The following ALK variants were observed in gnomAD, a reference collection of about 807,000 sequenced individuals.
ALK encodes ALK receptor tyrosine kinase.
A neutral mutation model predicts 163.1 loss-of-function variants in ALK; 74 were observed. The ratio of observed to expected loss-of-function variants is 0.45; its 90% CI spans 0.38 to 0.55. ALK has a LOEUF of 0.55. Ranked by LOEUF, ALK falls within the 20% of genes least tolerant of loss-of-function variation. The probability of loss-of-function intolerance (pLI) is 0.00; values close to 1 mark genes in which losing one functional copy is unlikely to be tolerated. For synonymous variants in ALK, 960 were observed against 843.2 expected (o/e 1.14, Z -2.40); for missense variants, 2,063 against 2,105.3 (o/e 0.98, Z 0.39).
intron 3 of ALK, among the ~76,000 whole-genome samples, chr2:29,535,057 A>G (rs1051024768): frequency 1.3e-5 from 2 of 152,214 alleles, no homozygotes; most frequent in Non-Finnish European, 2.9e-5. Flanking sequence ...GTCAGTATAA[A>G]TCTTTTAAAG....
At chr2:29,284,677 C>T (rs898965105) in intron 9 of ALK, among the ~76,000 whole-genome samples, 12 of 152,176 alleles carry the variant, frequency 7.9e-5, no homozygotes, top group Admixed American at 1.3e-4. Flanking sequence ...TTGTCCCAAA[C>T]GTCACAGTAA....
chr2:29,244,674 C>T (rs963410395), intron 12 of ALK, among the ~76,000 whole-genome samples: 1 of 152,230 alleles, frequency 6.6e-6, no homozygotes, highest in Non-Finnish European at 1.5e-5. Context: ...TCACATGGAG[C>T]ATCGGTGGTG....
At chr2:29,717,483 C>A (rs1679295144) in intron 2 of ALK, 95 bp downstream of exon 2, 6 of 1,464,168 alleles carry the variant, frequency 4.1e-6, no homozygotes, top group Non-Finnish European at 5.7e-6. Context: ...TGAGGGAATG[C>A]CCTGGAGCAC....
intron 1 of ALK, among the ~76,000 whole-genome samples, chr2:29,797,000 C>CACA (rs1664330612): frequency 1.4e-5 from 2 of 144,606 alleles, no homozygotes; most frequent in African/African-American, 2.5e-5. Context: ...GCACGCACAC[C>CACA]CACACACACA....
At chr2:29,912,529 G>A (rs1667732978) in intron 1 of ALK, among the ~76,000 whole-genome samples, 1 of 151,890 alleles carries the variant, frequency 6.6e-6, no homozygotes, top group African/African-American at 2.4e-5. Context: ...TAATGGAAAT[G>A]CAAAAAAAGA....
intron 4 of ALK, among the ~76,000 whole-genome samples, chr2:29,457,030 CT>C (rs895053392): frequency 6.6e-6 from 1 of 152,216 alleles, no homozygotes; most frequent in Non-Finnish European, 1.5e-5. Context: ...TCTGGAGACC[CT>C]GCTTTCTCCA....
At chr2:29,489,257 G>A (rs570679569) in intron 4 of ALK, among the ~76,000 whole-genome samples, 10 of 152,168 alleles carry the variant, frequency 6.6e-5, no homozygotes, top group East Asian at 3.9e-4. Context: ...ATGATTAATC[G>A]AATTCAGTAT....
chr2:29,437,802 A>T (rs568922279), intron 4 of ALK, among the ~76,000 whole-genome samples: 1 of 152,208 alleles, frequency 6.6e-6, no homozygotes, highest in Non-Finnish European at 1.5e-5. Flanking sequence ...TACAATTAGT[A>T]ATCAACCAAA....
intron 4 of ALK, among the ~76,000 whole-genome samples, chr2:29,481,078 A>G (rs1671649627): frequency 6.6e-6 from 1 of 152,190 alleles, no homozygotes; most frequent in Non-Finnish European, 1.5e-5. Flanking sequence ...CCTGTGTTTG[A>G]GGACCAGCTT....
chr2:29,729,733 C>T (rs1262836379), intron 1 of ALK, among the ~76,000 whole-genome samples: 2 of 152,140 alleles, frequency 1.3e-5, no homozygotes, highest in Non-Finnish European at 2.9e-5. Context: ...AATGTGGAAG[C>T]TGTTATTTGC....
At chr2:29,807,730 G>A (rs1044446898) in intron 1 of ALK, among the ~76,000 whole-genome samples, 4 of 152,192 alleles carry the variant, frequency 2.6e-5, no homozygotes, top group Non-Finnish European at 5.9e-5. Flanking sequence ...AGTTAAAAGG[G>A]AATTAAAGTT....
chr2:29,853,767 ACCTCTCCCTCCTCT>A (rs1666066217), intron 1 of ALK, among the ~76,000 whole-genome samples: 1 of 149,580 alleles, frequency 6.7e-6, no homozygotes, highest in Admixed American at 6.6e-5. Context: ...AGCCTCCCAT[ACCTCTCCCTCCTCT>A]CCTCTCCCTC....
At chr2:29,234,792 C>G (rs79453934) in intron 13 of ALK, among the ~76,000 whole-genome samples, 4,110 of 152,302 alleles carry the variant, frequency 0.027, 198 homozygotes, top group African/African-American at 0.094. Context: ...TGCCATCTTA[C>G]TCCGTGCAAT....
At chr2:29,400,923 C>T (rs1168167141) in intron 4 of ALK, among the ~76,000 whole-genome samples, 3 of 151,496 alleles carry the variant, frequency 2.0e-5, no homozygotes, top group Admixed American at 6.6e-5. Context: ...TGCGGTGAGC[C>T]GAAGTCGCAC....
At chr2:29,448,184 A>G (rs1348927152) in intron 4 of ALK, among the ~76,000 whole-genome samples, 1 of 152,200 alleles carries the variant, frequency 6.6e-6, no homozygotes, top group Non-Finnish European at 1.5e-5. Flanking sequence ...CAAATCTCTA[A>G]CAAAGAGAGA....
At chr2:29,323,967 T>C (rs577205176) in intron 6 of ALK, among the ~76,000 whole-genome samples, 1 of 152,342 alleles carries the variant, frequency 6.6e-6, no homozygotes, top group East Asian at 1.9e-4. Flanking sequence ...TCATCACCTA[T>C]GAATCTGTAA....
chr2:29,483,207 G>A (rs1463167412), intron 4 of ALK, among the ~76,000 whole-genome samples: 2 of 152,208 alleles, frequency 1.3e-5, no homozygotes, highest in African/African-American at 4.8e-5. Flanking sequence ...GGTACGAAAT[G>A]AGAAAATATA....
chr2:29,668,983 C>A (rs1318013572), intron 3 of ALK, among the ~76,000 whole-genome samples: 1 of 152,062 alleles, frequency 6.6e-6, no homozygotes, highest in Non-Finnish European at 1.5e-5. Context: ...TCAATTACCT[C>A]CCACTGGGTC....
At chr2:29,295,355 C>T (rs140001874) in intron 9 of ALK, among the ~76,000 whole-genome samples, 14 of 152,320 alleles carry the variant, frequency 9.2e-5, no homozygotes, top group Non-Finnish European at 1.9e-4. Flanking sequence ...TTTGATTCAT[C>T]TGAATTAATT....
Sources: gnomAD v4.1 joint callset for allele counts (sites outside exome capture counted in the v4.1 genomes callset) on GRCh38, gnomAD v4.1.1 for gene constraint, MANE v1.5 for transcripts, NCBI Gene and HGNC (gene_info 2026-07-23, HGNC 2026-07-21) for gene names.